The following EPHA3 variants were observed in gnomAD, a reference collection of about 807,000 sequenced individuals.
EPHA3 encodes ephrin type-A receptor 3.
EPHA3 carries 42 observed loss-of-function variants against 107.1 expected under a neutral mutation model. The ratio of observed to expected loss-of-function variants is 0.39; its 90% CI spans 0.31 to 0.51. The LOEUF is 0.51. Ranked by LOEUF, EPHA3 falls within the 20% of genes least tolerant of loss-of-function variation. The pLI, the probability that EPHA3 is intolerant of heterozygous loss-of-function variation, is 0.78. For synonymous variants in EPHA3, 461 were observed against 424.8 expected (o/e 1.09, Z -1.05); for missense variants, 1,183 against 1,211.2 (o/e 0.98, Z 0.35).
chr3:89,390,384 A>C (rs1708701870), intron 5 of EPHA3, among the ~76,000 whole-genome samples: 1 of 152,094 alleles, frequency 6.6e-6, no homozygotes, highest in African/African-American at 2.4e-5. Flanking sequence ...AGATCACTTG[A>C]GGTCAGGAGT....
intron 2 of EPHA3, among the ~76,000 whole-genome samples, chr3:89,153,905 C>T (rs1704739184): frequency 6.6e-6 from 1 of 152,056 alleles, no homozygotes; most frequent in Admixed American, 6.6e-5. Context: ...CTCCTCTCTC[C>T]TTCCTTACAC....
At chr3:89,297,243 T>C (rs1215535171) in intron 3 of EPHA3, among the ~76,000 whole-genome samples, 1 of 152,208 alleles carries the variant, frequency 6.6e-6, no homozygotes, top group Admixed American at 6.6e-5. Flanking sequence ...ATCTTTTAGC[T>C]TCTGTGGGCT....
At chr3:89,364,028 T>C (rs1708144923) in intron 5 of EPHA3, among the ~76,000 whole-genome samples, 1 of 150,852 alleles carries the variant, frequency 6.6e-6, no homozygotes, top group Admixed American at 6.7e-5. Context: ...TATAGGTTTT[T>C]TTTATTGGTA....
At chr3:89,163,450 C>A (rs1020816520) in intron 2 of EPHA3, among the ~76,000 whole-genome samples, 1 of 105,510 alleles carries the variant, frequency 9.5e-6, no homozygotes, top group Non-Finnish European at 2.3e-5. Context: ...GCTGCTGATG[C>A]TTTATACTAA....
At chr3:89,179,336 G>A (rs1366147373) in intron 2 of EPHA3, among the ~76,000 whole-genome samples, 1 of 151,992 alleles carries the variant, frequency 6.6e-6, no homozygotes, top group Non-Finnish European at 1.5e-5. Context: ...CAGAGAAGGG[G>A]TTTTAAACCA....
chr3:89,426,948 T>C (rs1405814302), intron 11 of EPHA3, among the ~76,000 whole-genome samples: 2 of 151,894 alleles, frequency 1.3e-5, no homozygotes, highest in African/African-American at 2.4e-5. Context: ...AGGGAACTGA[T>C]ACTAATTCAG....
intron 2 of EPHA3, among the ~76,000 whole-genome samples, chr3:89,189,201 A>G (rs1705643590): frequency 1.3e-5 from 2 of 152,208 alleles, no homozygotes; most frequent in Admixed American, 1.3e-4. Flanking sequence ...TGTATACCTT[A>G]AACTATAATT....
intron 3 of EPHA3, among the ~76,000 whole-genome samples, chr3:89,278,378 G>A (rs1705860711): frequency 6.6e-6 from 1 of 152,036 alleles, no homozygotes; most frequent in African/African-American, 2.4e-5. Flanking sequence ...AAATCAACCT[G>A]TCAAGAAGAG....
chr3:89,215,401 A>G (rs1704199681), intron 3 of EPHA3, among the ~76,000 whole-genome samples: 1 of 151,922 alleles, frequency 6.6e-6, no homozygotes, highest in African/African-American at 2.4e-5. Context: ...TAAATATTGT[A>G]GCTCATTTTT....
In EPHA3 at chr3:89,304,617, G is replaced by A. The variant is rs115564183; in HGVS notation, c.815-36299G>A. ...CCTTAAATGTTTGATCAGATCAGTG[G>A]TGAGCTGACTTTTATTCAAAATATT... On this transcript the variant is annotated intron_variant, in intron 3 of 16. Transcript: ENST00000336596. Among the ~76,000 whole-genome samples, 329 of 152,176 alleles carry A rather than the reference G, an allele frequency of 2.2e-3. 1 individual carries two copies. The highest frequency in any genetic ancestry group is 7.6e-3 in the African/African-American group (316 of 41,518).
intron 3 of EPHA3, among the ~76,000 whole-genome samples, chr3:89,328,357 G>A (rs1471698269): frequency 6.6e-6 from 1 of 152,118 alleles, no homozygotes; most frequent in East Asian, 1.9e-4. Context: ...CATAAATTAA[G>A]CATTCTCTAC....
intron 9 of EPHA3, among the ~76,000 whole-genome samples, chr3:89,409,359 G>T (rs1438134583): frequency 6.6e-6 from 1 of 151,970 alleles, no homozygotes; most frequent in Non-Finnish European, 1.5e-5. Context: ...AATTAGAGCA[G>T]TGGCATTCTT....
At chr3:89,123,218 C>T (rs1472675165) in intron 1 of EPHA3, among the ~76,000 whole-genome samples, 9 of 152,174 alleles carry the variant, frequency 5.9e-5, no homozygotes, top group Admixed American at 5.9e-4. Context: ...AATCTCGGCT[C>T]ACTGCAACCT....
chr3:89,422,484 A>G (rs1490935957), intron 11 of EPHA3, among the ~76,000 whole-genome samples: 1 of 151,338 alleles, frequency 6.6e-6, no homozygotes, highest in African/African-American at 2.4e-5. Context: ...AAACAACCTT[A>G]CTCCTCTGAG....
chr3:89,255,001 T>A (rs1705248054), intron 3 of EPHA3, among the ~76,000 whole-genome samples: 1 of 152,212 alleles, frequency 6.6e-6, no homozygotes, highest in Non-Finnish European at 1.5e-5. Flanking sequence ...AAATGCTTTC[T>A]GAGATTCAAA....
chr3:89,286,492 T>C (rs889649174), intron 3 of EPHA3, among the ~76,000 whole-genome samples: 1 of 152,048 alleles, frequency 6.6e-6, no homozygotes, highest in Non-Finnish European at 1.5e-5. Context: ...AATTGAGAGA[T>C]TATGGAGTCT....
intron 2 of EPHA3, among the ~76,000 whole-genome samples, chr3:89,134,847 G>C (rs1378337356): frequency 6.6e-6 from 1 of 152,218 alleles, no homozygotes; most frequent in East Asian, 1.9e-4. Context: ...TAAGAAAATT[G>C]CTCCAATTTG....
intron 13 of EPHA3, among the ~76,000 whole-genome samples, chr3:89,444,302 G>A (rs543210324): frequency 6.6e-6 from 1 of 152,036 alleles, no homozygotes; most frequent in South Asian, 2.1e-4. Flanking sequence ...AATTTAAAGA[G>A]TTTATGAGAA....
chr3:89,477,131 G>A (rs1710532037), intron 16 of EPHA3, among the ~76,000 whole-genome samples: 1 of 152,126 alleles, frequency 6.6e-6, no homozygotes, highest in African/African-American at 2.4e-5. Flanking sequence ...TAGATTCATG[G>A]TATGTTTATC....
Sources: gnomAD v4.1 joint callset for allele counts (sites outside exome capture counted in the v4.1 genomes callset) on GRCh38, gnomAD v4.1.1 for gene constraint, MANE v1.5 for transcripts, NCBI Gene and HGNC (gene_info 2026-07-23, HGNC 2026-07-21) for gene names.